SUGCT: variants seen among roughly 807,000 people sequenced by gnomAD.
SUGCT encodes the protein succinyl-CoA:glutarate CoA-transferase.
In SUGCT, 41 loss-of-function variants were observed where a neutral mutation model predicts 55.0. That is an observed-to-expected ratio of 0.74 (90% confidence interval 0.58 to 0.97). The LOEUF is 0.97. Ranked by LOEUF, SUGCT falls within the 50% of genes least tolerant of loss-of-function variation. The pLI is 0.00. For missense variants in SUGCT, 568 were observed against 547.8 expected (o/e 1.04, Z -0.37); for synonymous variants, 187 against 200.4 (o/e 0.93, Z 0.56).
the SUGCT span, among the ~76,000 whole-genome samples, chr7:40,931,186 G>A: frequency 6.6e-6 from 1 of 152,090 alleles, no homozygotes; most frequent in Non-Finnish European, 1.5e-5. Context: ...TAATCATGTG[G>A]TTATTATCAT....
At chr7:40,515,278 G>A (rs1367393755) in intron 12 of SUGCT, among the ~76,000 whole-genome samples, 1 of 152,180 alleles carries the variant, frequency 6.6e-6, no homozygotes, top group Non-Finnish European at 1.5e-5. Context: ...GATGTTATAT[G>A]AATGGAATCA....
chr7:40,997,565 A>G, the SUGCT span, among the ~76,000 whole-genome samples: 2 of 152,182 alleles, frequency 1.3e-5, no homozygotes, highest in East Asian at 3.9e-4. Flanking sequence ...CTCCCCAGGC[A>G]TTCCCAGGCT....
At chr7:40,440,934 G>A (rs986545088) in intron 9 of SUGCT, among the ~76,000 whole-genome samples, 6 of 151,856 alleles carry the variant, frequency 4.0e-5, no homozygotes, top group African/African-American at 1.2e-4. Context: ...CTCCAGCCTG[G>A]GTGACAGAGA....
the SUGCT span, among the ~76,000 whole-genome samples, chr7:41,027,049 TA>T: frequency 2.6e-5 from 4 of 151,406 alleles, no homozygotes; most frequent in Non-Finnish European, 4.4e-5. Context: ...GTTTCATACT[TA>T]AAAAAAAAGT....
chr7:40,991,326 C>A, the SUGCT span, among the ~76,000 whole-genome samples: 1 of 152,124 alleles, frequency 6.6e-6, no homozygotes, highest in South Asian at 2.1e-4. Flanking sequence ...CTGTTCCTTG[C>A]ACCTCAAAAC....
chr7:40,209,897 C>T (rs1231478391), intron 6 of SUGCT, among the ~76,000 whole-genome samples: 1 of 152,126 alleles, frequency 6.6e-6, no homozygotes, highest in Non-Finnish European at 1.5e-5. Flanking sequence ...TAGGAAGGCA[C>T]ATTTCCCCTA....
At chr7:40,634,992 A>T (rs1346410978) in intron 12 of SUGCT, among the ~76,000 whole-genome samples, 1 of 152,314 alleles carries the variant, frequency 6.6e-6, no homozygotes, top group Admixed American at 6.5e-5. Context: ...CAGTTAATGA[A>T]AATGGGACTG....
intron 9 of SUGCT, among the ~76,000 whole-genome samples, chr7:40,319,187 A>G: frequency 6.6e-6 from 1 of 152,158 alleles, no homozygotes; most frequent in Non-Finnish European, 1.5e-5. Context: ...CAGCTGTATT[A>G]TCTATAAGAA....
chr7:40,290,289 T>C (rs1406185486), intron 8 of SUGCT, among the ~76,000 whole-genome samples: 1 of 152,182 alleles, frequency 6.6e-6, no homozygotes, highest in African/African-American at 2.4e-5. Flanking sequence ...AACAGCATGC[T>C]ACTGGTACCA....
chr7:40,909,136 G>T, the SUGCT span, among the ~76,000 whole-genome samples: 1 of 152,150 alleles, frequency 6.6e-6, no homozygotes, highest in Non-Finnish European at 1.5e-5. Context: ...AAGTAAAAGA[G>T]AGTGGAGACC....
intron 9 of SUGCT, among the ~76,000 whole-genome samples, chr7:40,348,905 T>C (rs1797467009): frequency 6.6e-6 from 1 of 152,228 alleles, no homozygotes; most frequent in African/African-American, 2.4e-5. Context: ...AAGAACATAT[T>C]TCCCTGAGTT....
chr7:40,779,356 G>T (rs530292702), intron 13 of SUGCT, among the ~76,000 whole-genome samples: 3 of 152,252 alleles, frequency 2.0e-5, no homozygotes, highest in African/African-American at 7.2e-5. Flanking sequence ...TGTACATACT[G>T]CATTGCATTA....
intron 7 of SUGCT, among the ~76,000 whole-genome samples, chr7:40,241,458 A>C (rs1001507689): frequency 6.6e-6 from 1 of 151,764 alleles, no homozygotes; most frequent in South Asian, 2.1e-4. Flanking sequence ...ACATGCATGT[A>C]ATCCCAGCCA....
At chr7:40,242,804 G>A (rs577712047) in intron 7 of SUGCT, among the ~76,000 whole-genome samples, 13 of 150,050 alleles carry the variant, frequency 8.7e-5, no homozygotes, top group African/African-American at 2.9e-4. Context: ...AGGAAAGACC[G>A]TGGTCCTTGA....
At chr7:40,872,543 C>A in the SUGCT span, among the ~76,000 whole-genome samples, 1 of 152,192 alleles carries the variant, frequency 6.6e-6, no homozygotes. Flanking sequence ...CCAAGCGACA[C>A]TGACCAGGCC....
At chr7:40,349,833 G>A (rs1583483992) in intron 9 of SUGCT, among the ~76,000 whole-genome samples, 1 of 152,112 alleles carries the variant, frequency 6.6e-6, no homozygotes, top group African/African-American at 2.4e-5. Context: ...ACCACACCCA[G>A]GTGATTGGTT....
chr7:40,945,185 A>T, the SUGCT span, among the ~76,000 whole-genome samples: 1 of 152,038 alleles, frequency 6.6e-6, no homozygotes, highest in Non-Finnish European at 1.5e-5. Context: ...GGCAGCTGGG[A>T]GAGTCCTCAG....
At chr7:40,287,589 C>T (rs1259691054) in intron 8 of SUGCT, among the ~76,000 whole-genome samples, 2 of 151,914 alleles carry the variant, frequency 1.3e-5, no homozygotes, top group African/African-American at 2.4e-5. Flanking sequence ...CCTTGAACTC[C>T]CAGTCTCAAG....
At chr7:40,576,124 A>G (rs1796741860) in intron 12 of SUGCT, among the ~76,000 whole-genome samples, 1 of 152,208 alleles carries the variant, frequency 6.6e-6, no homozygotes. Context: ...TTTCATTTAC[A>G]TAAAATAAAA....
Sources: gnomAD v4.1 joint callset for allele counts (sites outside exome capture counted in the v4.1 genomes callset) on GRCh38, gnomAD v4.1.1 for gene constraint, MANE v1.5 for transcripts, NCBI Gene and HGNC (gene_info 2026-07-23, HGNC 2026-07-21) for gene names.